Variants in AKAP19 observed in about 807,000 individuals in gnomAD.
AKAP19 encodes the protein A-kinase anchoring protein 19.
At chr2:190,133,018 T>C in the AKAP19 span, among the ~76,000 whole-genome samples, 5 of 151,950 alleles carry the variant, frequency 3.3e-5, no homozygotes, top group South Asian at 2.1e-4. Flanking sequence ...GGGCGGATCA[T>C]GAGGTCAGGA....
the AKAP19 span, among the ~76,000 whole-genome samples, chr2:190,004,293 C>A: frequency 6.6e-6 from 1 of 151,626 alleles, no homozygotes; most frequent in Non-Finnish European, 1.5e-5. Flanking sequence ...AAAAAACATT[C>A]TCAGTTTATT....
the AKAP19 span, among the ~76,000 whole-genome samples, chr2:190,029,216 C>T: frequency 1.3e-5 from 2 of 152,006 alleles, no homozygotes; most frequent in South Asian, 2.1e-4. Context: ...CCTTGCCTGG[C>T]TAATTTTGTA....
chr2:189,988,872 T>G, the AKAP19 span, among the ~76,000 whole-genome samples: 1 of 152,238 alleles, frequency 6.6e-6, no homozygotes, highest in Non-Finnish European at 1.5e-5. Context: ...TTCTGCCTCA[T>G]TGGCTTTTAA....
At chr2:190,087,910 T>C in the AKAP19 span, among the ~76,000 whole-genome samples, 1 of 152,256 alleles carries the variant, frequency 6.6e-6, no homozygotes, top group East Asian at 1.9e-4. Flanking sequence ...ATCTTTTGTA[T>C]AAAAGATAAG....
the AKAP19 span, among the ~76,000 whole-genome samples, chr2:190,147,747 T>TTTTG: frequency 4.6e-5 from 7 of 151,628 alleles, no homozygotes; most frequent in East Asian, 5.8e-4. Flanking sequence ...AGGTTTTTTT[T>TTTTG]TTGTTGTTGT....
chr2:189,984,637 C>G, the AKAP19 span, among the ~76,000 whole-genome samples: 12 of 152,262 alleles, frequency 7.9e-5, no homozygotes, highest in African/African-American at 2.9e-4. Context: ...TAGGAAATCA[C>G]AAGGGTATTG....
the AKAP19 span, among the ~76,000 whole-genome samples, chr2:190,080,308 C>T: frequency 6.6e-6 from 1 of 152,122 alleles, no homozygotes; most frequent in Non-Finnish European, 1.5e-5. Flanking sequence ...GACACAATGC[C>T]CCTGATGACC....
At chr2:190,032,032 T>C in the AKAP19 span, among the ~76,000 whole-genome samples, 2 of 152,228 alleles carry the variant, frequency 1.3e-5, no homozygotes, top group Non-Finnish European at 2.9e-5. Flanking sequence ...TCAGTCCTAC[T>C]CTTATGGATG....
the AKAP19 span, among the ~76,000 whole-genome samples, chr2:190,016,965 A>G: frequency 2.0e-5 from 3 of 152,114 alleles, no homozygotes; most frequent in Non-Finnish European, 4.4e-5. Flanking sequence ...AGGTACTCTG[A>G]TGTTGAGTAC....
chr2:189,960,590 CT>C, the AKAP19 span, among the ~76,000 whole-genome samples: 1 of 152,176 alleles, frequency 6.6e-6, no homozygotes, highest in Non-Finnish European at 1.5e-5. Context: ...AAGATTCATT[CT>C]GGCTTTTCTC....
At chr2:189,965,954 G>GTA in the AKAP19 span, among the ~76,000 whole-genome samples, 1 of 148,522 alleles carries the variant, frequency 6.7e-6, no homozygotes, top group Non-Finnish European at 1.5e-5. Flanking sequence ...ATGTATGTAT[G>GTA]TGTGTGTGTG....
the AKAP19 span, among the ~76,000 whole-genome samples, chr2:190,064,382 G>A: frequency 2.6e-5 from 4 of 151,850 alleles, no homozygotes; most frequent in African/African-American, 9.7e-5. Context: ...TGTAACACAT[G>A]CATCTATACA....
At chr2:189,930,169 A>T in the AKAP19 span, 1 of 158,650 alleles carries the variant, frequency 6.3e-6, no homozygotes, top group Admixed American at 6.5e-5. Context: ...TTTGTGCATG[A>T]TCTTAATTCC....
the AKAP19 span, among the ~76,000 whole-genome samples, chr2:190,191,878 A>G: frequency 6.6e-6 from 1 of 151,538 alleles, no homozygotes; most frequent in African/African-American, 2.4e-5. Flanking sequence ...TGGCTAGATG[A>G]TGACTTGCAA....
At chr2:190,175,090 GACA>G in the AKAP19 span, among the ~76,000 whole-genome samples, 102,528 of 148,420 alleles carry the variant, frequency 0.69, 35,136 homozygotes, top group South Asian at 0.85. Context: ...AACCATAAAA[GACA>G]ACAACAACAA....
chr2:190,133,053 A>G, the AKAP19 span, among the ~76,000 whole-genome samples: 2 of 151,834 alleles, frequency 1.3e-5, no homozygotes, highest in African/African-American at 2.4e-5. Context: ...TGGCTAACAC[A>G]GTGAAACCCC....
At chr2:190,174,660 TA>T in the AKAP19 span, among the ~76,000 whole-genome samples, 1 of 151,894 alleles carries the variant, frequency 6.6e-6, no homozygotes, top group Non-Finnish European at 1.5e-5. Flanking sequence ...ATGCCCTAAG[TA>T]AAAAAAACAG....
chr2:189,951,597 T>G, the AKAP19 span, among the ~76,000 whole-genome samples: 1 of 152,178 alleles, frequency 6.6e-6, no homozygotes, highest in Non-Finnish European at 1.5e-5. Flanking sequence ...TCTAAAGCTT[T>G]CAAATAAGGA....
chr2:190,104,700 G>A, the AKAP19 span, among the ~76,000 whole-genome samples: 1 of 152,110 alleles, frequency 6.6e-6, no homozygotes. Context: ...TGAGGTATGA[G>A]AATTGCTTGA....
Sources: gnomAD v4.1 joint callset for allele counts (sites outside exome capture counted in the v4.1 genomes callset) on GRCh38, gnomAD v4.1.1 for gene constraint, MANE v1.5 for transcripts, NCBI Gene and HGNC (gene_info 2026-07-23, HGNC 2026-07-21) for gene names.